Variants in CADM2 observed in about 807,000 individuals in gnomAD.
The protein encoded by CADM2 is immunoglobulin superfamily member 4D.
Under a neutral mutation model 49.8 loss-of-function variants are expected in CADM2, and 12 were observed. That is an observed-to-expected ratio of 0.24 (90% confidence interval 0.15 to 0.39). The LOEUF (loss-of-function observed/expected upper bound fraction) is 0.39. Ranked by LOEUF, CADM2 falls within the 10% of genes least tolerant of loss-of-function variation. The probability of loss-of-function intolerance (pLI) is 1.00; values close to 1 mark genes in which losing one functional copy is unlikely to be tolerated. For missense variants in CADM2, 378 were observed against 492.3 expected (o/e 0.77, Z 2.20); for synonymous variants, 214 against 175.4 (o/e 1.22, Z -1.74).
intron 2 of CADM2, among the ~76,000 whole-genome samples, chr3:85,748,381 G>A (rs527860590): frequency 3.9e-5 from 6 of 151,960 alleles, no homozygotes; most frequent in African/African-American, 1.4e-4. Context: ...AAGAAACGAA[G>A]CAGGCGAAAT....
chr3:85,436,774 C>A (rs1021487486), intron 1 of CADM2, among the ~76,000 whole-genome samples: 22 of 152,208 alleles, frequency 1.4e-4, no homozygotes, highest in African/African-American at 5.3e-4. Flanking sequence ...TGCCTTCACA[C>A]ACTCATAACC....
chr3:85,992,608 G>A (rs1222319993), intron 8 of CADM2: 1 of 152,008 alleles, frequency 6.6e-6, no homozygotes, highest in African/African-American at 2.4e-5. Flanking sequence ...ATTTTTGTTT[G>A]TTTCTTAGTG....
chr3:85,517,018 A>T (rs1037821151), intron 1 of CADM2, among the ~76,000 whole-genome samples: 1 of 151,952 alleles, frequency 6.6e-6, no homozygotes, highest in African/African-American at 2.4e-5. Flanking sequence ...CAATTTTCTA[A>T]CAATATATTA....
intron 8 of CADM2, chr3:86,012,633 C>G (rs1359337235): frequency 4.0e-5 from 63 of 1,564,744 alleles, no homozygotes; most frequent in Non-Finnish European, 5.1e-5. Flanking sequence ...TTCAGGTTCC[C>G]GCGGGACCCG....
chr3:85,100,806 T>C (rs2037982429), intron 1 of CADM2, among the ~76,000 whole-genome samples: 1 of 152,244 alleles, frequency 6.6e-6, no homozygotes, highest in African/African-American at 2.4e-5. Flanking sequence ...TAAGTGCATG[T>C]AATTCAAAAA....
At chr3:86,060,503 C>T (rs779735818) in intron 8 of CADM2, among the ~76,000 whole-genome samples, 4 of 151,872 alleles carry the variant, frequency 2.6e-5, no homozygotes, top group African/African-American at 9.7e-5. Context: ...TCAAGTCATC[C>T]CAACAGTAAG....
intron 1 of CADM2, among the ~76,000 whole-genome samples, chr3:85,631,572 C>G (rs948721797): frequency 6.6e-6 from 1 of 151,940 alleles, no homozygotes; most frequent in African/African-American, 2.4e-5. Flanking sequence ...TAAGAGAAAT[C>G]AGAAGAAAAG....
At chr3:85,767,177 C>T (rs537696487) in intron 2 of CADM2, among the ~76,000 whole-genome samples, 1 of 152,222 alleles carries the variant, frequency 6.6e-6, no homozygotes, top group Admixed American at 6.5e-5. Context: ...TTATTAGTGA[C>T]CACCTTAAAG....
chr3:85,578,343 A>G (rs555516111), intron 1 of CADM2, among the ~76,000 whole-genome samples: 214 of 152,356 alleles, frequency 1.4e-3, no homozygotes, highest in African/African-American at 5.0e-3. Flanking sequence ...TGAAGAAAGC[A>G]ACAAATACAT....
At chr3:85,890,069 T>C (rs1279680002) in intron 5 of CADM2, among the ~76,000 whole-genome samples, 1 of 152,096 alleles carries the variant, frequency 6.6e-6, no homozygotes, top group African/African-American at 2.4e-5. Flanking sequence ...TTTGCCAAGA[T>C]TGAGGACGTG....
intron 3 of CADM2, among the ~76,000 whole-genome samples, chr3:85,874,176 A>G (rs1033561796): frequency 1.3e-5 from 2 of 152,198 alleles, no homozygotes; most frequent in African/African-American, 4.8e-5. Flanking sequence ...TTATGTTATT[A>G]CCTTAGTGAA....
intron 8 of CADM2, among the ~76,000 whole-genome samples, chr3:85,987,531 T>A (rs1401598716): frequency 6.7e-6 from 1 of 149,518 alleles, no homozygotes; most frequent in East Asian, 1.9e-4. Flanking sequence ...AGAAAAAAAG[T>A]TCCCCAGTAT....
intron 1 of CADM2, among the ~76,000 whole-genome samples, chr3:85,423,132 G>A (rs1332505208): frequency 1.3e-5 from 2 of 152,066 alleles, no homozygotes; most frequent in African/African-American, 4.8e-5. Context: ...GCCATCCTAA[G>A]GCAGATTTCT....
At chr3:85,425,129 T>C (rs952215455) in intron 1 of CADM2, among the ~76,000 whole-genome samples, 1 of 152,178 alleles carries the variant, frequency 6.6e-6, no homozygotes, top group Admixed American at 6.5e-5. Flanking sequence ...AAAGAGTAGT[T>C]GGGAAATTTC....
At chr3:85,007,810 G>A (rs186915907) in intron 1 of CADM2, among the ~76,000 whole-genome samples, 29 of 152,238 alleles carry the variant, frequency 1.9e-4, no homozygotes, top group African/African-American at 6.3e-4. Flanking sequence ...GGTAATTATT[G>A]AGTAGCCATT....
chr3:85,680,895 G>C (rs2066023256), intron 1 of CADM2, among the ~76,000 whole-genome samples: 1 of 152,118 alleles, frequency 6.6e-6, no homozygotes, highest in African/African-American at 2.4e-5. Flanking sequence ...TAAAGTTCCT[G>C]ATAGAGAACT....
chr3:85,346,001 A>G (rs2030604117), intron 1 of CADM2, among the ~76,000 whole-genome samples: 1 of 152,222 alleles, frequency 6.6e-6, no homozygotes, highest in Non-Finnish European at 1.5e-5. Flanking sequence ...CAATTGGGGA[A>G]TCTGAATTAA....
chr3:85,802,089 T>C lies in CADM2; in HGVS notation c.131T>C (p.Val44Ala), dbSNP rs1559667669. The C allele has an allele frequency of 6.2e-7, 1 of 1,612,958 alleles. No individual in the cohort carries two copies. Among genetic ancestry groups the C allele is most frequent in the Non-Finnish European group, 8.5e-7 (1 of 1,179,386 alleles). ...CCACTAACACAGAATGTAACCGTTG[T>C]TGAAGGTGGAACTGCAATTTTGACC... Reference protein sequence around the residue: ...QFPLTQNVTVVEGGTAILTCR... With the variant: ...QFPLTQNVTVAEGGTAILTCR... The change falls in exon 3 of 10, where the codon GTT (valine) becomes GCT (alanine). Residue 44 changes from valine (V) to alanine (A), a missense_variant. By Grantham distance (64) the Val-to-Ala change is moderately conservative (BLOSUM62 0). Coordinates refer to ENST00000383699, the MANE Select transcript of CADM2 (RefSeq NM_001167675.2).
chr3:85,208,297 A>G (rs2041699761), intron 1 of CADM2, among the ~76,000 whole-genome samples: 1 of 152,182 alleles, frequency 6.6e-6, no homozygotes, highest in South Asian at 2.1e-4. Flanking sequence ...ACGTTACTAG[A>G]AACGTTTTAA....
Sources: allele counts gnomAD v4.1 joint callset (sites outside exome capture counted in the v4.1 genomes callset), GRCh38; gene constraint gnomAD v4.1.1; transcripts MANE v1.5; gene names NCBI Gene and HGNC (gene_info 2026-07-23, HGNC 2026-07-21).